Variants in KIRREL3 observed in about 807,000 individuals in gnomAD.
KIRREL3 encodes kin of IRRE-like protein 3.
A neutral mutation model predicts 89.7 loss-of-function variants in KIRREL3; 36 were observed. That is an observed-to-expected ratio of 0.40 (90% CI 0.31 to 0.53). The LOEUF is 0.53. Ranked by LOEUF, KIRREL3 falls within the 20% of genes least tolerant of loss-of-function variation. The pLI is 0.49. For synonymous variants in KIRREL3, 445 were observed against 441.4 expected, an observed-to-expected ratio of 1.01 and a Z score of -0.10; for missense variants, 864 against 1,056.6, an observed-to-expected ratio of 0.82 and a Z score of 2.53.
rs1435789769 is a variant in KIRREL3 at position 126,485,829 on chromosome 11, T to C, written c.434-12363A>G. Among the ~76,000 whole-genome samples, 1 of 151,988 alleles carries C rather than the reference T, an allele frequency of 6.6e-6. No homozygotes were observed. Among genetic ancestry groups the C allele is most frequent in the African/African-American group, 2.4e-5 (1 of 41,374 alleles). On this transcript the variant is annotated intron_variant, in intron 4 of 16. Coordinates refer to ENST00000525144, the MANE Select transcript of KIRREL3 (RefSeq NM_032531.4). This position sits in a 1 kb window ranked among gnomAD's most constrained non-coding sequence, Gnocchi z 5.8. ...AACCACTAGAGCGATGACAAGGAGG[T>C]CACAGACCCAAAGATCCCACAGCTG...
At position 126,473,450 on chromosome 11, in the gene KIRREL3, G is replaced by C. The variant is rs749727346; in HGVS notation, c.450C>G (p.Pro150=). The stretch of plus-strand genomic sequence containing the variant: ...TGATCACAGGGCCCCCCAGGATGAC[G>C]GGGTCATCAGGCGGCACTGCGGGGA... The part of the protein sequence containing the change: ...RLTVLVPPDD[P]VILGGPVISL... The change falls in exon 5 of 17, where the codon CCC becomes CCG. Residue 150 remains proline (P), a synonymous_variant. Transcript: ENST00000525144. 6.4e-7 allele frequency: 1 copy of C among 1,559,768 alleles called. No individual in the cohort carries two copies. The highest frequency in any genetic ancestry group is 1.2e-5 in the South Asian group (1 of 85,778).
At position 126,668,400 on chromosome 11, in the gene KIRREL3, G is replaced by A. The variant is rs972570781; in HGVS notation, c.56-105488C>T. Among the ~76,000 whole-genome samples the A allele has an allele frequency of 6.6e-6, 1 of 152,156 alleles. No homozygotes were observed. The highest frequency in any genetic ancestry group is 1.5e-5 in the Non-Finnish European group (1 of 68,034). Reference sequence around the variant, plus strand: ...AGAATTTTAGCTTATGAATTTGGGGGAATATAACCATTCAGAATAAAACAC... The same window carrying A: ...AGAATTTTAGCTTATGAATTTGGGGAAATATAACCATTCAGAATAAAACAC... On this transcript the variant is annotated intron_variant, in intron 1 of 16. Transcript: ENST00000525144. This position sits in a 1 kb window ranked among gnomAD's most constrained non-coding sequence, Gnocchi z 4.4.
In KIRREL3 at chr11:126,996,997, C is replaced by G. The variant is rs1022848714; in HGVS notation, c.55+3458G>C. Among the ~76,000 whole-genome samples, 1 of 152,036 alleles carries G rather than the reference C, an allele frequency of 6.6e-6. No individual in the cohort carries two copies. The highest frequency in any genetic ancestry group is 1.5e-5 in the Non-Finnish European group (1 of 68,014). On this transcript the variant is annotated intron_variant, in intron 1 of 16. Coordinates refer to ENST00000525144, the MANE Select transcript of KIRREL3 (RefSeq NM_032531.4). This position sits in a 1 kb window ranked among gnomAD's most constrained non-coding sequence, Gnocchi z 4.7. ...TGGAGTAGAAGGCGCCAAGTTCTTG[C>G]CACTGTGGCTCCCCTGTCTATCTCC...
rs916644889 is a variant in KIRREL3 at position 126,747,589 on chromosome 11, G to A, written c.56-184677C>T. 6.6e-6 allele frequency among the ~76,000 whole-genome samples: 1 copy of A among 152,018 alleles called. No individual in the cohort carries two copies. ...GGTCGTGGCTGTGCTCACAGAAAAG[G>A]CACTGTATATCCCTCTTTCGTGGTA... On this transcript the variant is annotated intron_variant, in intron 1 of 16. Transcript: ENST00000525144. This position sits in a 1 kb window ranked among gnomAD's most constrained non-coding sequence, Gnocchi z 4.7.
chr11:126,817,522 G>A lies in KIRREL3; in HGVS notation c.55+182933C>T, dbSNP rs1449544259. 6.6e-6 allele frequency among the ~76,000 whole-genome samples: 1 copy of A among 152,172 alleles called. No individual in the cohort carries two copies. The highest frequency in any genetic ancestry group is 1.9e-4 in the East Asian group (1 of 5,178). On this transcript the variant is annotated intron_variant, in intron 1 of 16. Transcript: ENST00000525144. The surrounding 1 kb of genome is among the most constrained non-coding windows in gnomAD (Gnocchi z 5.7). Reference sequence around the variant, plus strand: ...CACCAATCAGGCATTAGCATCCCCAGTCCTCTGGTGTCCTATGGTTGGAAC... The same window carrying A: ...CACCAATCAGGCATTAGCATCCCCAATCCTCTGGTGTCCTATGGTTGGAAC...
At chr11:126,857,583 G>C (rs1944561007) in intron 1 of KIRREL3, among the ~76,000 whole-genome samples, 1 of 152,070 alleles carries the variant, frequency 6.6e-6, no homozygotes, top group Non-Finnish European at 1.5e-5. Flanking sequence ...AGGAATCCTT[G>C]CTCAGGGTCT....
intron 1 of KIRREL3, among the ~76,000 whole-genome samples, chr11:126,968,695 A>G (rs1949348092): frequency 6.6e-6 from 1 of 152,210 alleles, no homozygotes; most frequent in Non-Finnish European, 1.5e-5. Flanking sequence ...GTAAACTGCT[A>G]TATTTATTTT....
chr11:126,982,024 T>C (rs1949736194), intron 1 of KIRREL3, among the ~76,000 whole-genome samples: 1 of 152,212 alleles, frequency 6.6e-6, no homozygotes, highest in Non-Finnish European at 1.5e-5. Context: ...CTCTGCATAA[T>C]GGGATTATAA....
At chr11:126,813,470 A>C (rs1951457369) in intron 1 of KIRREL3, among the ~76,000 whole-genome samples, 1 of 152,158 alleles carries the variant, frequency 6.6e-6, no homozygotes, top group African/African-American at 2.4e-5. Flanking sequence ...AAAAAGTTAT[A>C]AATATTCTGG....
At chr11:126,466,303 T>C (rs1197170221) in intron 5 of KIRREL3, among the ~76,000 whole-genome samples, 2 of 152,246 alleles carry the variant, frequency 1.3e-5, no homozygotes, top group Non-Finnish European at 2.9e-5. Context: ...GGAAGGCACG[T>C]GCCCCAGCAC....
At chr11:126,718,198 C>T (rs772144944) in intron 1 of KIRREL3, among the ~76,000 whole-genome samples, 44 of 152,282 alleles carry the variant, frequency 2.9e-4, no homozygotes, top group Non-Finnish European at 6.0e-4. Context: ...TGCCCTCTGC[C>T]TCAGGCTCAG....
rs1948514112 is a variant in KIRREL3, at chr11:126,729,254, T to A, written c.56-166342A>T. ...GCTCAGCCTTTCTTGGGAAGCAGAC[T>A]TCTAAGAAACAAGCACGCTGGCTTA... On this transcript the variant is annotated intron_variant, in intron 1 of 16. Coordinates refer to ENST00000525144, the MANE Select transcript of KIRREL3 (RefSeq NM_032531.4). This position sits in a 1 kb window ranked among gnomAD's most constrained non-coding sequence, Gnocchi z 4.5. 6.6e-6 allele frequency among the ~76,000 whole-genome samples: 1 copy of A among 152,204 alleles called. No individual in the cohort carries two copies. Among genetic ancestry groups the A allele is most frequent in the South Asian group, 2.1e-4 (1 of 4,830 alleles).
At chr11:126,787,848 C>T (rs1950527233) in intron 1 of KIRREL3, among the ~76,000 whole-genome samples, 1 of 152,216 alleles carries the variant, frequency 6.6e-6, no homozygotes, top group Non-Finnish European at 1.5e-5. Flanking sequence ...ACAATGGAAG[C>T]AGGTCTACTC....
chr11:126,464,102 T>G (rs1437601243), intron 5 of KIRREL3, among the ~76,000 whole-genome samples: 5 of 152,094 alleles, frequency 3.3e-5, no homozygotes, highest in African/African-American at 9.7e-5. Flanking sequence ...TATTTGGGAA[T>G]AGGGTCTTTG....
chr11:126,757,334 G>T (rs1021915833), intron 1 of KIRREL3, among the ~76,000 whole-genome samples: 1 of 152,058 alleles, frequency 6.6e-6, no homozygotes, highest in East Asian at 1.9e-4. Context: ...AAAAGAAAAA[G>T]CCAGCCCCAA....
rs151113929 is a variant in KIRREL3, at chr11:126,781,442, A to G, written c.56-218530T>C. ...TGTTTTGGTGTATTCTGCTTTCTCTATGCATGGTGTATTAGAGAGTGAAAT... is the reference window on the plus strand; with the variant it reads ...TGTTTTGGTGTATTCTGCTTTCTCTGTGCATGGTGTATTAGAGAGTGAAAT... On this transcript the variant is annotated intron_variant, in intron 1 of 16. Transcript: ENST00000525144. Among the ~76,000 whole-genome samples the G allele has an allele frequency of 7.5e-3, 1,136 of 152,302 alleles. 11 individuals are homozygous for G. The highest frequency in any genetic ancestry group is 0.025 in the South Asian group (119 of 4,822).
chr11:126,588,384 A>G (rs1187054011), intron 1 of KIRREL3, among the ~76,000 whole-genome samples: 1 of 137,116 alleles, frequency 7.3e-6, no homozygotes, highest in Admixed American at 7.9e-5. Context: ...GCATGTTAAT[A>G]GTGCTTTGCA....
At chr11:126,922,127 C>G (rs1947370023) in intron 1 of KIRREL3, among the ~76,000 whole-genome samples, 2 of 113,148 alleles carry the variant, frequency 1.8e-5, no homozygotes, top group Admixed American at 1.8e-4. Context: ...GTCTGTCTAT[C>G]TATCTATCTA....
chr11:126,928,152 G>A (rs1592385187), intron 1 of KIRREL3, among the ~76,000 whole-genome samples: 1 of 152,204 alleles, frequency 6.6e-6, no homozygotes, highest in Non-Finnish European at 1.5e-5. Flanking sequence ...GCCCAGAAAA[G>A]AGAGATTCAC....
Sources: allele counts gnomAD v4.1 joint callset (sites outside exome capture counted in the v4.1 genomes callset), GRCh38; gene constraint gnomAD v4.1.1; non-coding constraint Gnocchi (gnomAD v3.1); transcripts MANE v1.5; gene names NCBI Gene and HGNC (gene_info 2026-07-23, HGNC 2026-07-21).